GATA2: variants seen among roughly 807,000 people sequenced by gnomAD.
GATA2 encodes the protein GATA binding protein 2.
In GATA2, 6 loss-of-function variants were observed where a neutral mutation model predicts 35.7. The ratio of observed to expected loss-of-function variants is 0.17; its 90% CI spans 0.09 to 0.33. The LOEUF is 0.33. GATA2 is among the 10% of genes least tolerant of loss of function. The probability of loss-of-function intolerance (pLI) is 1.00; values close to 1 mark genes in which losing one functional copy is unlikely to be tolerated. For synonymous variants in GATA2, 313 were observed against 274.9 expected, an observed-to-expected ratio of 1.14 and a Z score of -1.37; for missense variants, 541 against 656.6, an observed-to-expected ratio of 0.82 and a Z score of 1.92.
rs980111298 is a variant in GATA2 at position 128,483,156 on chromosome 3, G to T, written c.1017+704C>A. Among the ~76,000 whole-genome samples, 73 of 152,310 alleles carry T rather than the reference G, an allele frequency of 4.8e-4. No individual in the cohort carries two copies. Among genetic ancestry groups the T allele is most frequent in the African/African-American group, 1.7e-3 (71 of 41,542 alleles). ...CGATTTAAGCCTCATAAATCACTTC[G>T]CCCTGAAAAAATATATTTATTATTC... On this transcript the variant is annotated intron_variant, in intron 4 of 5. Transcript: ENST00000341105.
At chr3:128,486,425 T>C (rs1423004406) in intron 2 of GATA2, 57 bp from the exon 3 acceptor site, 1 of 1,561,686 alleles carries the variant, frequency 6.4e-7, no homozygotes, top group Non-Finnish European at 8.6e-7. Flanking sequence ...TAGGCAGAGC[T>C]AGGGACGCCC....
intron 1 of GATA2, among the ~76,000 whole-genome samples, chr3:128,492,413 A>G (rs1450760715): frequency 6.6e-6 from 1 of 152,162 alleles, no homozygotes; most frequent in Non-Finnish European, 1.5e-5. Flanking sequence ...CACGCACCCC[A>G]GTCACACAGG....
rs764717537 is a variant in GATA2, at chr3:128,487,035, C to T, written c.-4G>A. The T allele has an allele frequency of 1.9e-6, 3 of 1,554,450 alleles. No homozygotes were observed. Among genetic ancestry groups the T allele is most frequent in the African/African-American group, 1.4e-5 (1 of 73,680 alleles). On this transcript the variant is annotated 5_prime_UTR_variant, in exon 2 of 6. Coordinates refer to ENST00000341105, the MANE Select transcript of GATA2 (RefSeq NM_032638.5). ...GCTGCTCGGGCGCCACCTCCATGGCCGGCGGCGGCGGCTCAGGGTCTGGGT... is the reference window on the plus strand; with the variant it reads ...GCTGCTCGGGCGCCACCTCCATGGCTGGCGGCGGCGGCTCAGGGTCTGGGT...
rs1280774548 is a variant in GATA2, at chr3:128,480,251, A to G, written c.*768T>C. The G allele has an allele frequency of 8.6e-6, 2 of 233,258 alleles. No individual in the cohort carries two copies. The highest frequency in any genetic ancestry group is 1.7e-5 in the Non-Finnish European group (2 of 118,076). 14.4% of individuals were successfully genotyped at this position (233,258 alleles called of 1,614,324 possible). ...GATGTATTTACAGGGTCCACCTGAC[A>G]AGACAGGCTGTGGCTTGCGCTCAGT... is the stretch of plus-strand genomic sequence containing the variant. On this transcript the variant is annotated 3_prime_UTR_variant, in exon 6 of 6. Coordinates refer to ENST00000341105, the MANE Select transcript of GATA2 (RefSeq NM_032638.5).
At position 128,486,996 on chromosome 3, in the gene GATA2, C is replaced by A. The variant is rs768707984; in HGVS notation, c.36G>T (p.Ala12=). ...GCTGCGCATTCAGCACGGCCGGGTG[C>A]GCCATCCAGCGCGGCTGCTCGGGCG... ...EVAPEQPRWM[A]HPAVLNAQHP... is the part of the protein sequence containing the mutation. Residue 12 remains alanine, a synonymous_variant, in exon 2 of 6, where the codon GCG becomes GCT. Coordinates refer to ENST00000341105, the MANE Select transcript of GATA2 (RefSeq NM_032638.5). 2 of 1,603,012 alleles carry A rather than the reference C, an allele frequency of 1.2e-6. No individual in the cohort carries two copies. The highest frequency in any genetic ancestry group is 8.5e-7 in the Non-Finnish European group (1 of 1,174,976).
At chr3:128,482,440 C>T (rs1388800443) in intron 4 of GATA2, among the ~76,000 whole-genome samples, 2 of 152,132 alleles carry the variant, frequency 1.3e-5, no homozygotes, top group Non-Finnish European at 2.9e-5. Flanking sequence ...AGAGCTGCAC[C>T]GTCCAACACT....
intron 3 of GATA2, among the ~76,000 whole-genome samples, chr3:128,484,415 C>T (rs965989541): frequency 6.6e-6 from 1 of 152,114 alleles, no homozygotes; most frequent in African/African-American, 2.4e-5. Flanking sequence ...CGCGTCTCTC[C>T]CCCTCTCCTC....
At chr3:128,492,751 C>T (rs1050851715) in intron 1 of GATA2, 148 bp downstream of exon 1, 4 of 152,384 alleles carry the variant, frequency 2.6e-5, no homozygotes, top group South Asian at 4.1e-4. Context: ...GTCCCTATAA[C>T]CAGGGTTTCC....
Position 128,479,890 on chromosome 3 carries a change from C to G in GATA2, c.*1129G>C, listed in dbSNP as rs150929249. ...TCCCTGGGTCCTGGTCCTGACCTGC[C>G]CCCAACTCCTGCCTTCACCCCCTGC... On this transcript the variant is annotated 3_prime_UTR_variant, in exon 6 of 6. Transcript: ENST00000341105. 37 of 232,966 alleles carry G rather than the reference C, an allele frequency of 1.6e-4. No homozygotes were observed. The highest frequency in any genetic ancestry group is 7.9e-4 in the African/African-American group (36 of 45,408). 14.4% of individuals were successfully genotyped at this position (232,966 alleles called of 1,614,324 possible). A position where few individuals can be genotyped will look rare whatever the true frequency, so the allele number is the denominator to read the frequency against.
rs140382420 is a variant in GATA2, at chr3:128,485,929, C to T, written c.669G>A (p.Met223Ile). Reference protein sequence around the residue: ...YQVSLTESMKMESGSPLRPGL... With the variant: ...YQVSLTESMKIESGSPLRPGL... Reference sequence around the variant, plus strand: ...CTGGGCGCAGGGGACTGCCACTTTCCATCTTCATGCTCTCCGTCAGTGACA... The same window carrying T: ...CTGGGCGCAGGGGACTGCCACTTTCTATCTTCATGCTCTCCGTCAGTGACA... Residue 223 changes from methionine to isoleucine, a missense_variant, in exon 3 of 6, where the codon ATG becomes ATA. By Grantham distance (10) the Met-to-Ile change is conservative. Transcript: ENST00000341105. 23 of 1,614,196 alleles carry T rather than the reference C, an allele frequency of 1.4e-5. No homozygotes were observed. The East Asian group carries it at 4.0e-4, about 28-fold the overall frequency.
intron 3 of GATA2, among the ~76,000 whole-genome samples, chr3:128,484,301 A>G (rs949261605): frequency 6.6e-6 from 1 of 152,198 alleles, no homozygotes. Context: ...TTCTGGAGCA[A>G]CCAGGAGGGT....
chr3:128,486,753 C>G (rs909415432), intron 2 of GATA2, 50 bp downstream of exon 2: 1 of 1,520,432 alleles, frequency 6.6e-7, no homozygotes, highest in Admixed American at 1.9e-5. Context: ...TCCCCTCCCT[C>G]GCCTGGCGCG....
chr3:128,488,200 A>G lies in GATA2; in HGVS notation c.-45-1124T>C, dbSNP rs2068731992. On this transcript the variant is annotated intron_variant, in intron 1 of 5. Transcript: ENST00000341105. The surrounding 1 kb of genome is among the most constrained non-coding windows in gnomAD (Gnocchi z 5.8). ...CTTGCGAACACTCCGGGATCCCTCG[A>G]TGCTCTGGGCCTCCCTAGCAGTAAC... 6.6e-6 allele frequency among the ~76,000 whole-genome samples: 1 copy of G among 151,872 alleles called. No individual in the cohort carries two copies. Among genetic ancestry groups the G allele is most frequent in the South Asian group, 2.1e-4 (1 of 4,814 alleles).
Position 128,480,848 on chromosome 3 carries a change from T to G in GATA2, c.*171A>C, listed in dbSNP as rs1576743842. 2 of 707,338 alleles carry G rather than the reference T, an allele frequency of 2.8e-6. No homozygotes were observed. Among genetic ancestry groups the G allele is most frequent in the Non-Finnish European group, 2.3e-6 (1 of 436,230 alleles). The allele number at this position is 707,338 out of a possible 1,614,324, so 43.8% of individuals were successfully genotyped here. ...AGGTGCGGAGGCAGCCTCTCAGCGG[T>G]GGGGAACATTCACAGTAACTGCTGG... On this transcript the variant is annotated 3_prime_UTR_variant, in exon 6 of 6. Transcript: ENST00000341105.
rs201759442 is a variant in GATA2 at position 128,488,704 on chromosome 3, C to CGG, written c.-45-1630_-45-1629dup. On this transcript the variant is annotated intron_variant, in intron 1 of 5. Transcript: ENST00000341105. This position sits in a 1 kb window ranked among gnomAD's most constrained non-coding sequence, Gnocchi z 5.8. ...GCAAGAGGTGGCATTTTTTTTCCTC[C>CGG]GGGGGGGGTCCCCGAGGTGGCCTCT... is the stretch of plus-strand genomic sequence containing the variant. Among the ~76,000 whole-genome samples, 1 of 151,558 alleles carries CGG rather than the reference C, an allele frequency of 6.6e-6. No individual in the cohort carries two copies. The highest frequency in any genetic ancestry group is 1.5e-5 in the Non-Finnish European group (1 of 67,798).
chr3:128,481,686 C>T (rs2068630435), intron 5 of GATA2, 133 bp downstream of exon 5: 1 of 1,105,986 alleles, frequency 9.0e-7, no homozygotes, highest in Non-Finnish European at 1.3e-6. Context: ...GGAAGCCCTT[C>T]TGGCGCTCAC....
chr3:128,484,191 C>T (rs930563529), intron 3 of GATA2, among the ~76,000 whole-genome samples, 186 bp from the exon 4 acceptor site: 2 of 152,188 alleles, frequency 1.3e-5, no homozygotes, highest in African/African-American at 4.8e-5. Context: ...GGAGGGGGCA[C>T]AGGTCCAGAG....
chr3:128,483,758 C>G, intron 4 of GATA2, 102 bp downstream of exon 4: 1 of 1,483,390 alleles, frequency 6.7e-7, no homozygotes. Context: ...AAGAGGATTT[C>G]AAGCGGCAAA....
At position 128,481,210 on chromosome 3, in the gene GATA2, A is replaced by T; in HGVS notation, c.1252T>A (p.Ser418Thr). ...KKGAECFEELSKCMQEKSSPF... is the reference protein window; with the variant it reads ...KKGAECFEELTKCMQEKSSPF... ...GATGACTTCTCCTGCATGCACTTTG[A>T]CAGCTCCTCGAAGCACTCCGCCCCT... Residue 418 changes from serine to threonine, a missense_variant, in exon 6 of 6, where the codon TCA becomes ACA. Physicochemically the swap from Ser to Thr is moderately conservative, Grantham distance 58. This residue lies in a region of GATA2 where 95 missense variants were observed against 114.0 expected (regional missense o/e 0.83). Transcript: ENST00000341105. 1 of 1,614,190 alleles carries T rather than the reference A, an allele frequency of 6.2e-7. No individual in the cohort carries two copies. Among genetic ancestry groups the T allele is most frequent in the Admixed American group, 1.7e-5 (1 of 60,026 alleles).
Sources: allele counts gnomAD v4.1 joint callset (sites outside exome capture counted in the v4.1 genomes callset), GRCh38; gene constraint gnomAD v4.1.1; regional missense constraint gnomAD v4.1.1; non-coding constraint Gnocchi (gnomAD v3.1); transcripts MANE v1.5; gene names NCBI Gene and HGNC (gene_info 2026-07-23, HGNC 2026-07-21).